The following COL4A4 variants were observed in gnomAD, a reference collection of about 807,000 sequenced individuals.
The protein encoded by COL4A4 is collagen type IV alpha 4 chain, also known as collagen alpha-4(IV) chain.
In COL4A4, 105 loss-of-function variants were observed where a neutral mutation model predicts 192.9. The ratio of observed to expected loss-of-function variants is 0.54; its 90% CI spans 0.46 to 0.64. COL4A4 has a LOEUF of 0.64. Ranked by LOEUF, COL4A4 falls within the 30% of genes least tolerant of loss-of-function variation. The pLI is 0.00. For missense variants in COL4A4, 1,967 were observed against 2,169.3 expected, an observed-to-expected ratio of 0.91 and a Z score of 1.85; for synonymous variants, 762 against 769.9, an observed-to-expected ratio of 0.99 and a Z score of 0.17.
At position 227,002,742 on chromosome 2, in the gene COL4A4, T is replaced by C. The variant is rs886055698; in HGVS notation, c.*4583A>G. 1 of 152,676 alleles carries C rather than the reference T, an allele frequency of 6.5e-6. No individual in the cohort carries two copies. Among genetic ancestry groups the C allele is most frequent in the African/African-American group, 2.4e-5 (1 of 41,464 alleles). 9.5% of individuals were successfully genotyped at this position (152,676 alleles called of 1,614,324 possible). On this transcript the variant is annotated 3_prime_UTR_variant, in exon 48 of 48. Transcript: ENST00000396625. The stretch of plus-strand genomic sequence containing the variant: ...TTGGAAGTCATCACAGAATTTTATA[T>C]ATAATGAACCATATTATAAATCGTA...
chr2:227,002,739 A>G lies in COL4A4; in HGVS notation c.*4586T>C, dbSNP rs929526637. 6.5e-5 allele frequency: 10 copies of G among 152,694 alleles called. No homozygotes were observed. The highest frequency in any genetic ancestry group is 2.2e-4 in the African/African-American group (9 of 41,474). 9.5% of individuals were successfully genotyped at this position (152,694 alleles called of 1,614,324 possible). A position where few individuals can be genotyped will look rare whatever the true frequency, so the allele number is the denominator to read the frequency against. On this transcript the variant is annotated 3_prime_UTR_variant, in exon 48 of 48. Transcript: ENST00000396625. ...TTTTTGGAAGTCATCACAGAATTTTATATATAATGAACCATATTATAAATC... is the reference window on the plus strand; with the variant it reads ...TTTTTGGAAGTCATCACAGAATTTTGTATATAATGAACCATATTATAAATC...
chr2:227,015,827 A>G (rs13393894), intron 44 of COL4A4, among the ~76,000 whole-genome samples: 72,836 of 151,902 alleles, frequency 0.48, 17,832 homozygotes, highest in African/African-American at 0.58. Flanking sequence ...TGTTAAGAAC[A>G]GTTTGCCAAC....
At chr2:226,970,455 T>A in the COL4A4 span, among the ~76,000 whole-genome samples, 2 of 152,194 alleles carry the variant, frequency 1.3e-5, no homozygotes, top group African/African-American at 4.8e-5. Flanking sequence ...CCAAGTTTTA[T>A]CTGTACATGA....
intron 3 of COL4A4, 112 bp downstream of exon 3, chr2:227,144,404 A>G: frequency 2.3e-6 from 2 of 872,022 alleles, no homozygotes; most frequent in East Asian, 2.4e-5. Flanking sequence ...TCTCCATTTT[A>G]CAGGTAAGAA....
At position 227,004,181 on chromosome 2, in the gene COL4A4, ACT is replaced by A. The variant is rs1438243227; in HGVS notation, c.*3142_*3143del. The A allele has an allele frequency of 2.0e-5, 3 of 152,328 alleles. No individual in the cohort carries two copies. The highest frequency in any genetic ancestry group is 7.2e-5 in the African/African-American group (3 of 41,476). 9.4% of individuals were successfully genotyped at this position (152,328 alleles called of 1,614,324 possible). A position where few individuals can be genotyped will look rare whatever the true frequency, so the allele number is the denominator to read the frequency against. On this transcript the variant is annotated 3_prime_UTR_variant, in exon 48 of 48. Coordinates refer to ENST00000396625, the MANE Select transcript of COL4A4 (RefSeq NM_000092.5). ...TTTGGCAATGGAATGAAGGAAGTGCACTGAGACATTAAAGAAGCAATGGGGAA... is the reference window on the plus strand; with the variant it reads ...TTTGGCAATGGAATGAAGGAAGTGCAGAGACATTAAAGAAGCAATGGGGAA...
In COL4A4 at chr2:227,051,045, G is replaced by A; in HGVS notation, c.3082C>T (p.Pro1028Ser). The change falls in exon 33 of 48, where the codon CCC becomes TCC. Residue 1028 changes from proline (P) to serine (S), a missense_variant. Coordinates refer to ENST00000396625, the MANE Select transcript of COL4A4 (RefSeq NM_000092.5). ...CCAGTTGAGCCTGGAGGGCCTGGGG[G>A]TCCAGGAGGCCCTGGCTGACCTTTC... ...GEKGQPGPPG[P>S]PGPPGSTGLR... 6.2e-7 allele frequency: 1 copy of A among 1,614,186 alleles called. No individual in the cohort carries two copies. The highest frequency in any genetic ancestry group is 8.5e-7 in the Non-Finnish European group (1 of 1,180,034).
At chr2:227,142,461 A>G (rs1044782380) in intron 3 of COL4A4, among the ~76,000 whole-genome samples, 2 of 152,184 alleles carry the variant, frequency 1.3e-5, no homozygotes, top group African/African-American at 4.8e-5. Context: ...TGTCACATAG[A>G]AAAGTTCAAA....
chr2:227,054,501 G>A, intron 31 of COL4A4, 93 bp downstream of exon 31: 1 of 1,430,380 alleles, frequency 7.0e-7, no homozygotes, highest in East Asian at 2.3e-5. Context: ...CCAAGCTTCA[G>A]ACAAGTCCTA....
rs1012782965 is a variant in COL4A4 at position 227,008,220 on chromosome 2, C to A, written c.4607G>T (p.Arg1536Ile). 6.2e-6 allele frequency: 10 copies of A among 1,614,082 alleles called. No homozygotes were observed. The highest frequency in any genetic ancestry group is 6.8e-6 in the Non-Finnish European group (8 of 1,180,046). The change falls in exon 47 of 48, where the codon AGA (arginine) becomes ATA (isoleucine). Residue 1536 changes from arginine (R) to isoleucine (I), a missense_variant. Arg to Ile is a moderately conservative substitution (Grantham distance 97, BLOSUM62 -3). Transcript: ENST00000396625. Reference sequence around the variant, plus strand: ...GGCCAGCCAGTAGGATCTGTCGTTTCTCTGGGCATAGTGGCACACCTGGTG... The same window carrying A: ...GGCCAGCCAGTAGGATCTGTCGTTTATCTGGGCATAGTGGCACACCTGGTG... ...NIHQVCHYAQ[R>I]NDRSYWLASA...
intron 4 of COL4A4, among the ~76,000 whole-genome samples, chr2:227,131,129 A>C (rs566978560): frequency 2.0e-5 from 3 of 152,096 alleles, no homozygotes; most frequent in South Asian, 2.1e-4. Context: ...TTATGCAGGA[A>C]AATCTGTCTG....
chr2:227,144,396 T>C (rs900778452), intron 3 of COL4A4, 120 bp downstream of exon 3: 13 of 823,630 alleles, frequency 1.6e-5, no homozygotes, highest in Non-Finnish European at 1.0e-5. Flanking sequence ...AGTCCTATTC[T>C]CCATTTTACA....
chr2:227,057,598 G>GC lies in COL4A4; in HGVS notation c.2385dup (p.Pro796AlafsTer34). ...CCTAGGAATCCAGGAATGCCAGCTG[G>GC]CCCTGAAATGATACAATACATCCAT... On this transcript the variant is annotated frameshift_variant and splice_region_variant, in exon 29 of 48. Coordinates refer to ENST00000396625, the MANE Select transcript of COL4A4 (RefSeq NM_000092.5). LOFTEE classifies it high-confidence loss of function. 1 of 1,614,082 alleles carries GC rather than the reference G, an allele frequency of 6.2e-7. No individual in the cohort carries two copies. Among genetic ancestry groups the GC allele is most frequent in the Non-Finnish European group, 8.5e-7 (1 of 1,179,992 alleles).
intron 43 of COL4A4, among the ~76,000 whole-genome samples, chr2:227,023,326 C>T (rs1339492628): frequency 6.6e-6 from 1 of 151,482 alleles, no homozygotes; most frequent in East Asian, 1.9e-4. Flanking sequence ...GCCTGTAGTT[C>T]CAGCTACTCA....
intron 24 of COL4A4, among the ~76,000 whole-genome samples, chr2:227,080,155 G>A (rs1241440789): frequency 6.6e-6 from 1 of 152,114 alleles, no homozygotes; most frequent in Non-Finnish European, 1.5e-5. Context: ...GGCCCTTCTA[G>A]GATACAAGTT....
chr2:227,056,015 A>G lies in COL4A4; in HGVS notation c.2646T>C (p.Gly882=). The G allele has an allele frequency of 1.2e-6, 2 of 1,613,766 alleles. No individual in the cohort carries two copies. Among genetic ancestry groups the G allele is most frequent in the Non-Finnish European group, 1.7e-6 (2 of 1,179,832 alleles). The part of the protein sequence containing the change: ...PGLPGRPGAH[G]PPGLPGIPGP... ...CTGGGATTCCTGGGAGGCCTGGGGG[A>G]CCATGTGCCCCAGGCCGTCCTGGGA... The change falls in exon 30 of 48, where the codon GGT becomes GGC. Residue 882 remains glycine, a synonymous_variant. Transcript: ENST00000396625.
Position 227,147,544 on chromosome 2 carries a change from G to T in COL4A4, c.-61C>A. 1 of 1,472,718 alleles carries T rather than the reference G, an allele frequency of 6.8e-7. No individual in the cohort carries two copies. The highest frequency in any genetic ancestry group is 1.1e-5 in the South Asian group (1 of 88,346). The allele number at this position is 1,472,718 out of a possible 1,614,324, so 91.2% of individuals were successfully genotyped here. A position where few individuals can be genotyped will look rare whatever the true frequency, so the allele number is the denominator to read the frequency against. On this transcript the variant is annotated 5_prime_UTR_variant, in exon 2 of 48. Coordinates refer to ENST00000396625, the MANE Select transcript of COL4A4 (RefSeq NM_000092.5). ...CAGTCTTCTCTTCCAGAAGGTTCTT[G>T]TTGACAAGTGAGGTTCTGTGTTCTG...
At chr2:226,981,048 C>G in the COL4A4 span, among the ~76,000 whole-genome samples, 1 of 152,156 alleles carries the variant, frequency 6.6e-6, no homozygotes, top group Non-Finnish European at 1.5e-5. Flanking sequence ...CCTTGGCCTT[C>G]CTGAGGCTGG....
chr2:227,118,522 C>G, intron 7 of COL4A4, 123 bp downstream of exon 7: 2 of 777,754 alleles, frequency 2.6e-6, no homozygotes, highest in Non-Finnish European at 4.5e-6. Context: ...CCAGCCACTC[C>G]CATTTGTTGA....
At chr2:227,017,153 C>A (rs777953946) in intron 44 of COL4A4, among the ~76,000 whole-genome samples, 1 of 152,170 alleles carries the variant, frequency 6.6e-6, no homozygotes, top group Non-Finnish European at 1.5e-5. Flanking sequence ...TTCCACTGAA[C>A]AGGCAGCAGC....
Sources: gnomAD v4.1 joint callset for allele counts (sites outside exome capture counted in the v4.1 genomes callset) on GRCh38, gnomAD v4.1.1 for gene constraint, MANE v1.5 for transcripts, NCBI Gene and HGNC (gene_info 2026-07-23, HGNC 2026-07-21) for gene names.